The following ING1 variants were observed in gnomAD, a reference collection of about 807,000 sequenced individuals.
ING1 encodes inhibitor of growth protein 1.
A neutral mutation model predicts 23.1 loss-of-function variants in ING1; 4 were observed. That is an observed-to-expected ratio of 0.17 (90% CI 0.09 to 0.40). ING1 has a LOEUF of 0.40. Ranked by LOEUF, ING1 falls within the 10% of genes least tolerant of loss-of-function variation. The pLI, the probability that ING1 is intolerant of heterozygous loss-of-function variation, is 1.00. For synonymous variants in ING1, 179 were observed against 166.4 expected, an observed-to-expected ratio of 1.08 and a Z score of -0.58; for missense variants, 256 against 393.8, an observed-to-expected ratio of 0.65 and a Z score of 2.96.
intron 1 of ING1, chr13:110,715,578 C>T (rs779436172): frequency 8.1e-6 from 13 of 1,613,892 alleles, no homozygotes; most frequent in Middle Eastern, 3.3e-4. Flanking sequence ...CGGGGAGGAG[C>T]GGGGTGGAGG....
upstream of ING1, chr13:110,713,569 C>T: frequency 3.0e-6 from 3 of 984,382 alleles, no homozygotes; most frequent in Non-Finnish European, 3.6e-6. Context: ...GAGCCCGCAG[C>T]CCCCAGGGCC....
chr13:110,719,113 C>T lies in ING1; in HGVS notation c.137-116C>T. On this transcript the variant is annotated intron_variant, in intron 1 of 1. Coordinates refer to ENST00000333219, the MANE Select transcript of ING1 (RefSeq NM_198219.3). This position sits in a 1 kb window ranked among gnomAD's most constrained non-coding sequence, Gnocchi z 8.9. The stretch of plus-strand genomic sequence containing the variant: ...TGTGGCTGGTGGGCTTTGTTCTGGG[C>T]AAGCCGTGCGCTGGCCCCTAGGCTC... 1.1e-6 allele frequency: 1 copy of T among 938,084 alleles called. No homozygotes were observed. The highest frequency in any genetic ancestry group is 2.6e-5 in the East Asian group (1 of 38,850). The allele number at this position is 938,084 out of a possible 1,614,324, so 58.1% of individuals were successfully genotyped here.
chr13:110,716,132 G>A lies in ING1; in HGVS notation c.136+1847G>A, dbSNP rs2064120917. 4 of 1,027,358 alleles carry A rather than the reference G, an allele frequency of 3.9e-6. No homozygotes were observed. The East Asian group carries it at 1.1e-4, about 29-fold the overall frequency. The allele number at this position is 1,027,358 out of a possible 1,614,324, so 63.6% of individuals were successfully genotyped here. ...TGGGGCTCCGGACGGAAGGAAGGCA[G>A]GGGCTGAGACCACTTTGATCGTTCG... On this transcript the variant is annotated intron_variant, in intron 1 of 1. Transcript: ENST00000333219.
intron 1 of ING1, chr13:110,715,561 TC>T: frequency 6.2e-7 from 1 of 1,614,084 alleles, no homozygotes; most frequent in African/African-American, 1.3e-5. Flanking sequence ...TCTTCTTTTT[TC>T]TTTTTCGGGG....
chr13:110,712,695 G>A (rs1206010825), upstream of ING1: 2 of 683,056 alleles, frequency 2.9e-6, no homozygotes, highest in Admixed American at 2.0e-5. Context: ...CCGACCGGGT[G>A]TCTGCATACT....
upstream of ING1, chr13:110,712,914 G>T: frequency 1.9e-6 from 3 of 1,548,964 alleles, no homozygotes; most frequent in South Asian, 3.6e-5. Flanking sequence ...GGAGGGCGGT[G>T]ACGGATGGCG....
In ING1 at chr13:110,722,125, G is replaced by C. The variant is rs1416934307; in HGVS notation, c.*2193G>C. On this transcript the variant is annotated 3_prime_UTR_variant, in exon 2 of 2. Transcript: ENST00000333219. ...TTTACAGTGAAATTCCATTATAGAGGGTTACTTGGTAGAGAAATGCAAATT... is the reference window on the plus strand; with the variant it reads ...TTTACAGTGAAATTCCATTATAGAGCGTTACTTGGTAGAGAAATGCAAATT... 2 of 152,044 alleles carry C rather than the reference G, an allele frequency of 1.3e-5. No individual in the cohort carries two copies. Among genetic ancestry groups the C allele is most frequent in the African/African-American group, 4.8e-5 (2 of 41,386 alleles). 9.4% of individuals were successfully genotyped at this position (152,044 alleles called of 1,614,324 possible). A position where few individuals can be genotyped will look rare whatever the true frequency, so the allele number is the denominator to read the frequency against.
In ING1 at chr13:110,720,016, G is replaced by A. The variant is rs1566383234; in HGVS notation, c.*84G>A. The A allele has an allele frequency of 1.1e-6, 1 of 948,816 alleles. No individual in the cohort carries two copies. Among genetic ancestry groups the A allele is most frequent in the Non-Finnish European group, 1.5e-6 (1 of 650,756 alleles). The allele number at this position is 948,816 out of a possible 1,614,324, so 58.8% of individuals were successfully genotyped here. A position where few individuals can be genotyped will look rare whatever the true frequency, so the allele number is the denominator to read the frequency against. On this transcript the variant is annotated 3_prime_UTR_variant, in exon 2 of 2. Transcript: ENST00000333219. ...CTGCCTTTGTTGAGGTGCAAGGAGT[G>A]TAAAATGTATATTTTTAAAGAATGT...
At position 110,719,461 on chromosome 13, in the gene ING1, G is replaced by T. The variant is rs35992622; in HGVS notation, c.369G>T (p.Ala123=). 6.2e-7 allele frequency: 1 copy of T among 1,612,800 alleles called. No homozygotes were observed. The highest frequency in any genetic ancestry group is 8.5e-7 in the Non-Finnish European group (1 of 1,179,588). The change falls in exon 2 of 2, where the codon GCG becomes GCT. Residue 123 remains alanine (A), a synonymous_variant. Transcript: ENST00000333219. This position sits in a 1 kb window ranked among gnomAD's most constrained non-coding sequence, Gnocchi z 8.9. ...FEAQQELGDT[A]GNSGKAGADR... ...CGCAGCAGGAGCTGGGCGACACAGC[G>T]GGCAACAGCGGCAAGGCTGGCGCGG...
Position 110,719,156 on chromosome 13 carries a change from T to C in ING1, c.137-73T>C. On this transcript the variant is annotated intron_variant, in intron 1 of 1. Coordinates refer to ENST00000333219, the MANE Select transcript of ING1 (RefSeq NM_198219.3). This position sits in a 1 kb window ranked among gnomAD's most constrained non-coding sequence, Gnocchi z 8.9. Reference sequence around the variant, plus strand: ...CTAGGCTCCCTGCCAGCCCTCTCCGTAGACCCGTCCGGGGCCGTGTGGGTT... The same window carrying C: ...CTAGGCTCCCTGCCAGCCCTCTCCGCAGACCCGTCCGGGGCCGTGTGGGTT... 6.7e-7 allele frequency: 1 copy of C among 1,483,914 alleles called. No individual in the cohort carries two copies. Among genetic ancestry groups the C allele is most frequent in the East Asian group, 2.3e-5 (1 of 44,044 alleles). 91.9% of individuals were successfully genotyped at this position (1,483,914 alleles called of 1,614,324 possible). A position where few individuals can be genotyped will look rare whatever the true frequency, so the allele number is the denominator to read the frequency against.
Position 110,713,985 on chromosome 13 carries a change from G to A in ING1, c.-165G>A. ...CTGGGGTCCCCGCGGACCCGGAGGCGGCGGACGGGCTCGGCAGATGTAGCC... is the reference window on the plus strand; with the variant it reads ...CTGGGGTCCCCGCGGACCCGGAGGCAGCGGACGGGCTCGGCAGATGTAGCC... On this transcript the variant is annotated 5_prime_UTR_variant, in exon 1 of 2. Coordinates refer to ENST00000333219, the MANE Select transcript of ING1 (RefSeq NM_198219.3). 3 of 1,105,456 alleles carry A rather than the reference G, an allele frequency of 2.7e-6. No homozygotes were observed. Among genetic ancestry groups the A allele is most frequent in the South Asian group, 4.4e-5 (1 of 22,956 alleles). The allele number at this position is 1,105,456 out of a possible 1,614,324, so 68.5% of individuals were successfully genotyped here. A position where few individuals can be genotyped will look rare whatever the true frequency, so the allele number is the denominator to read the frequency against.
upstream of ING1, chr13:110,712,867 A>G: frequency 2.3e-6 from 3 of 1,304,756 alleles, no homozygotes; most frequent in Non-Finnish European, 2.1e-6. Context: ...TTTGTCTCCA[A>G]GCCGTTCCAA....
intron 1 of ING1, among the ~76,000 whole-genome samples, chr13:110,716,418 G>GT (rs1433823789): frequency 6.6e-6 from 1 of 152,210 alleles, no homozygotes; most frequent in African/African-American, 2.4e-5. Context: ...GGACTTCGGT[G>GT]TAAATGCTGA....
rs767282482 is a variant in ING1 at position 110,719,991 on chromosome 13, C to T, written c.*59C>T. The stretch of plus-strand genomic sequence containing the variant: ...AATAAACCGTGTATTTATTACATTG[C>T]TGCCTTTGTTGAGGTGCAAGGAGTG... On this transcript the variant is annotated 3_prime_UTR_variant, in exon 2 of 2. Transcript: ENST00000333219. This position sits in a 1 kb window ranked among gnomAD's most constrained non-coding sequence, Gnocchi z 8.9. The T allele has an allele frequency of 2.4e-6, 3 of 1,266,826 alleles. No individual in the cohort carries two copies. Among genetic ancestry groups the T allele is most frequent in the Non-Finnish European group, 2.2e-6 (2 of 918,330 alleles). The allele number at this position is 1,266,826 out of a possible 1,614,324, so 78.5% of individuals were successfully genotyped here.
At chr13:110,715,741 G>C in intron 1 of ING1, 2 of 1,583,168 alleles carry the variant, frequency 1.3e-6, no homozygotes, top group Non-Finnish European at 1.7e-6. Flanking sequence ...TCCCATAGGC[G>C]GCGGCTCTCG....
chr13:110,722,096 CTG>C lies in ING1; in HGVS notation c.*2166_*2167del, dbSNP rs2064176221. The C allele has an allele frequency of 6.6e-6, 1 of 152,174 alleles. No individual in the cohort carries two copies. The highest frequency in any genetic ancestry group is 1.5e-5 in the Non-Finnish European group (1 of 68,036). 9.4% of individuals were successfully genotyped at this position (152,174 alleles called of 1,614,324 possible). On this transcript the variant is annotated 3_prime_UTR_variant, in exon 2 of 2. Coordinates refer to ENST00000333219, the MANE Select transcript of ING1 (RefSeq NM_198219.3). ...CTTTATTTGTGCTGGACATAAGTGT[CTG>C]TTTTACAGTGAAATTCCATTATAGA...
At chr13:110,715,343 C>A in intron 1 of ING1, 1 of 1,462,194 alleles carries the variant, frequency 6.8e-7, no homozygotes, top group Non-Finnish European at 9.0e-7. Context: ...GAAGGCGCCC[C>A]TGCGCGTTCT....
In ING1 at chr13:110,723,322, G is replaced by A. The variant is rs527295332; in HGVS notation, c.*3390G>A. On this transcript the variant is annotated 3_prime_UTR_variant, in exon 2 of 2. Transcript: ENST00000333219. ...TCGGTGGTTGCCAATGCTGAATAAA[G>A]CATTTATCAAAGTAAAAGCCATTTC... 3 of 151,896 alleles carry A rather than the reference G, an allele frequency of 2.0e-5. No homozygotes were observed. In the East Asian group the frequency reaches 5.8e-4, roughly 29 times the overall value. The allele number at this position is 151,896 out of a possible 1,614,324, so 9.4% of individuals were successfully genotyped here.
Position 110,720,636 on chromosome 13 carries a change from G to C in ING1, c.*704G>C, listed in dbSNP as rs1566383779. ...TACATTTCCAAATGAACTTGCACTT[G>C]TTATATTATAATTGGAAGTGCAGTC... On this transcript the variant is annotated 3_prime_UTR_variant, in exon 2 of 2. Transcript: ENST00000333219. 1 of 167,024 alleles carries C rather than the reference G, an allele frequency of 6.0e-6. No individual in the cohort carries two copies. The highest frequency in any genetic ancestry group is 1.5e-5 in the Non-Finnish European group (1 of 68,126). 10.3% of individuals were successfully genotyped at this position (167,024 alleles called of 1,614,324 possible).
Sources: gnomAD v4.1 joint callset for allele counts (sites outside exome capture counted in the v4.1 genomes callset) on GRCh38, gnomAD v4.1.1 for gene constraint, Gnocchi (gnomAD v3.1) non-coding constraint, MANE v1.5 for transcripts, NCBI Gene and HGNC (gene_info 2026-07-23, HGNC 2026-07-21) for gene names.